Variants in GNB1 observed in about 807,000 individuals in gnomAD.
The protein encoded by GNB1 is guanine nucleotide-binding protein G(I)/G(S)/G(T) subunit beta-1.
Under a neutral mutation model 42.9 loss-of-function variants are expected in GNB1, and 2 were observed. The ratio of observed to expected loss-of-function variants is 0.05; its 90% CI spans 0.02 to 0.15. GNB1 has a LOEUF of 0.15. GNB1 is among the 10% of genes least tolerant of loss of function. The pLI, the probability that GNB1 is intolerant of heterozygous loss-of-function variation, is 1.00. For missense variants in GNB1, 193 were observed against 462.2 expected (o/e 0.42, Z 5.34); for synonymous variants, 183 against 174.7 (o/e 1.05, Z -0.38).
At chr1:1,801,277 C>T (rs966603017) in intron 7 of GNB1, among the ~76,000 whole-genome samples, 1 of 152,230 alleles carries the variant, frequency 6.6e-6, no homozygotes, top group African/African-American at 2.4e-5. Context: ...ATCTGCTTGC[C>T]TCGGCCTCCC....
At chr1:1,831,712 G>T (rs979514231) in intron 2 of GNB1, among the ~76,000 whole-genome samples, 1 of 151,484 alleles carries the variant, frequency 6.6e-6, no homozygotes, top group African/African-American at 2.4e-5. Flanking sequence ...GCCTCCCAAA[G>T]TACTGGGATT....
chr1:1,842,578 CAA>C (rs1647287793), intron 1 of GNB1, among the ~76,000 whole-genome samples: 2 of 152,208 alleles, frequency 1.3e-5, no homozygotes, highest in Admixed American at 6.5e-5. Context: ...CACACAAATC[CAA>C]AGAGACAGAA....
chr1:1,858,666 G>A (rs1648435616), intron 1 of GNB1, among the ~76,000 whole-genome samples: 1 of 152,162 alleles, frequency 6.6e-6, no homozygotes, highest in African/African-American at 2.4e-5. Flanking sequence ...CAAACAAGAT[G>A]CCAGGGACAC....
chr1:1,835,922 G>GAAAAAAAAAAAAAAAA (rs59271649), intron 2 of GNB1, among the ~76,000 whole-genome samples: 2 of 88,680 alleles, frequency 2.3e-5, no homozygotes, highest in Non-Finnish European at 4.0e-5. Flanking sequence ...ATTAAAAAAA[G>GAAAAAAAAAAAAAAAA]AAAAAAAAAA....
At chr1:1,853,202 C>T (rs1456873065) in intron 1 of GNB1, among the ~76,000 whole-genome samples, 2 of 152,162 alleles carry the variant, frequency 1.3e-5, no homozygotes, top group African/African-American at 4.8e-5. Flanking sequence ...ACCTCTTTTC[C>T]ACTTCAATCC....
At chr1:1,840,855 T>A (rs781035717) in intron 1 of GNB1, among the ~76,000 whole-genome samples, 4 of 152,204 alleles carry the variant, frequency 2.6e-5, no homozygotes, top group Non-Finnish European at 4.4e-5. Flanking sequence ...TGAAAATATG[T>A]CCAATTCTAG....
chr1:1,851,889 C>T (rs1177983617), intron 1 of GNB1, among the ~76,000 whole-genome samples: 2 of 151,016 alleles, frequency 1.3e-5, no homozygotes, highest in Non-Finnish European at 3.0e-5. Context: ...ACTAAAAATA[C>T]GAAATCAGCC....
chr1:1,853,234 T>A (rs1648087131), intron 1 of GNB1, among the ~76,000 whole-genome samples: 1 of 152,194 alleles, frequency 6.6e-6, no homozygotes, highest in Non-Finnish European at 1.5e-5. Context: ...ACTGCCTGAT[T>A]TATCTTTCTG....
chr1:1,801,986 C>T (rs1012557162), intron 7 of GNB1, among the ~76,000 whole-genome samples: 2 of 152,130 alleles, frequency 1.3e-5, no homozygotes, highest in African/African-American at 2.4e-5. Flanking sequence ...AACAGTTCAT[C>T]ATGAGAGCAG....
At chr1:1,803,499 C>T (rs1646653510) in intron 7 of GNB1, among the ~76,000 whole-genome samples, 1 of 152,196 alleles carries the variant, frequency 6.6e-6, no homozygotes, top group South Asian at 2.1e-4. Flanking sequence ...CCCAGCTGGT[C>T]TCGAACCCCT....
intron 1 of GNB1, among the ~76,000 whole-genome samples, chr1:1,880,311 A>T (rs1438224690): frequency 6.6e-6 from 1 of 152,170 alleles, no homozygotes; most frequent in Non-Finnish European, 1.5e-5. Context: ...TCTTAATATG[A>T]TTATGAAGGC....
chr1:1,798,019 G>A (rs1646570152), intron 7 of GNB1, among the ~76,000 whole-genome samples: 1 of 152,244 alleles, frequency 6.6e-6, no homozygotes, highest in East Asian at 1.9e-4. Flanking sequence ...GACAGGCTCA[G>A]CCTAGACCTG....
chr1:1,788,015 C>A (rs190129578), intron 10 of GNB1: 1 of 145,776 alleles, frequency 6.9e-6, no homozygotes, highest in African/African-American at 2.6e-5. Context: ...GGCGACAGAG[C>A]GAGACTCCAT....
At chr1:1,808,063 A>C (rs1463911603) in intron 5 of GNB1, among the ~76,000 whole-genome samples, 1 of 151,488 alleles carries the variant, frequency 6.6e-6, no homozygotes, top group African/African-American at 2.4e-5. Flanking sequence ...GCTGGAGTGC[A>C]ATGGTGCGTC....
At chr1:1,860,985 G>A (rs1236834008) in intron 1 of GNB1, among the ~76,000 whole-genome samples, 1 of 151,892 alleles carries the variant, frequency 6.6e-6, no homozygotes, top group Admixed American at 6.6e-5. Context: ...GCACGAGCCT[G>A]TAGTCCCAGC....
chr1:1,817,705 A>AT, intron 4 of GNB1, 132 bp downstream of exon 4: 1 of 596,302 alleles, frequency 1.7e-6, no homozygotes, highest in Non-Finnish European at 3.1e-6. Context: ...TGACTTCTTA[A>AT]TAAAAGCAGT....
chr1:1,853,303 G>GA lies in GNB1; in HGVS notation c.-95-14066dup, dbSNP rs769993973. ...GAAGTCTTCAAATACTCCTCCTACGGAAAAAATCAAACTTTTTAGCCTGGC... is the reference window on the plus strand; with the variant it reads ...GAAGTCTTCAAATACTCCTCCTACGGAAAAAAATCAAACTTTTTAGCCTGGC... On this transcript the variant is annotated intron_variant, in intron 1 of 11. Transcript: ENST00000378609. 3.3e-5 allele frequency among the ~76,000 whole-genome samples: 5 copies of GA among 152,072 alleles called. No individual in the cohort carries two copies. The East Asian group carries it at 5.8e-4, about 18-fold the overall frequency.
intron 1 of GNB1, among the ~76,000 whole-genome samples, chr1:1,875,141 G>C (rs974992367): frequency 2.0e-5 from 3 of 151,976 alleles, no homozygotes; most frequent in African/African-American, 7.2e-5. Flanking sequence ...GCTCCTAAGA[G>C]ACCACAGCCC....
intron 1 of GNB1, among the ~76,000 whole-genome samples, chr1:1,862,389 C>G (rs1293495106): frequency 6.6e-6 from 1 of 152,100 alleles, no homozygotes; most frequent in Non-Finnish European, 1.5e-5. Context: ...GAAGTCCACC[C>G]ATTAACTTCT....
Sources: allele counts gnomAD v4.1 joint callset (sites outside exome capture counted in the v4.1 genomes callset), GRCh38; gene constraint gnomAD v4.1.1; transcripts MANE v1.5; gene names NCBI Gene and HGNC (gene_info 2026-07-23, HGNC 2026-07-21).